The following ERBIN variants were observed in gnomAD, a reference collection of about 807,000 sequenced individuals.
ERBIN encodes the protein erbb2 interacting protein, also known as densin-180-like protein.
Under a neutral mutation model 158.4 loss-of-function variants are expected in ERBIN, and 60 were observed. The ratio of observed to expected loss-of-function variants is 0.38; its 90% CI spans 0.31 to 0.47. The LOEUF is 0.47. Among genes scored for constraint, ERBIN ranks in the 20% least tolerant of loss-of-function variants. The pLI, the probability that ERBIN is intolerant of heterozygous loss-of-function variation, is 0.99. For synonymous variants in ERBIN, 594 were observed against 557.2 expected, an observed-to-expected ratio of 1.07 and a Z score of -0.93; for missense variants, 1,610 against 1,648.0, an observed-to-expected ratio of 0.98 and a Z score of 0.40.
At chr5:65,982,935 C>A (rs1377301590) in intron 1 of ERBIN, among the ~76,000 whole-genome samples, 1 of 152,074 alleles carries the variant, frequency 6.6e-6, no homozygotes, top group Non-Finnish European at 1.5e-5. Flanking sequence ...AAGTGTGAAC[C>A]TTGTAGGGTG....
intron 17 of ERBIN, among the ~76,000 whole-genome samples, chr5:66,045,808 AT>A (rs1471776205): frequency 4.6e-5 from 7 of 152,136 alleles, no homozygotes; most frequent in African/African-American, 1.7e-4. Context: ...TATTATGGAA[AT>A]TTTTCCCCCT....
At chr5:65,943,773 G>A (rs1403747561) in intron 1 of ERBIN, among the ~76,000 whole-genome samples, 1 of 151,946 alleles carries the variant, frequency 6.6e-6, no homozygotes, top group Non-Finnish European at 1.5e-5. Context: ...TCATATTATT[G>A]TATACCCTTC....
At chr5:65,970,298 T>C (rs1252783542) in intron 1 of ERBIN, among the ~76,000 whole-genome samples, 1 of 152,236 alleles carries the variant, frequency 6.6e-6, no homozygotes, top group East Asian at 1.9e-4. Context: ...AATTAGACTA[T>C]GTCCCTCCTT....
At chr5:65,976,567 G>A (rs557767304) in intron 1 of ERBIN, among the ~76,000 whole-genome samples, 23 of 150,732 alleles carry the variant, frequency 1.5e-4, no homozygotes, top group African/African-American at 5.1e-4. Context: ...CTCGCAGAGG[G>A]GGATTTGGCA....
At chr5:66,014,305 C>T (rs1300376535) in intron 6 of ERBIN, among the ~76,000 whole-genome samples, 1 of 152,128 alleles carries the variant, frequency 6.6e-6, no homozygotes, top group Non-Finnish European at 1.5e-5. Flanking sequence ...TCTTTTGTTT[C>T]ATTATTTCTT....
chr5:65,962,262 A>G (rs945178210), intron 1 of ERBIN, among the ~76,000 whole-genome samples: 2 of 152,174 alleles, frequency 1.3e-5, no homozygotes, highest in Admixed American at 6.5e-5. Context: ...TGATTACAAC[A>G]TTTCTTCTTT....
At chr5:65,998,235 T>A (rs1037464272) in intron 4 of ERBIN, among the ~76,000 whole-genome samples, 8 of 149,244 alleles carry the variant, frequency 5.4e-5, no homozygotes, top group East Asian at 2.0e-4. Flanking sequence ...AAAAAAAATA[T>A]ATATATATAG....
At chr5:65,964,448 C>T (rs1433756520) in intron 1 of ERBIN, among the ~76,000 whole-genome samples, 8 of 152,180 alleles carry the variant, frequency 5.3e-5, no homozygotes, top group Admixed American at 5.2e-4. Flanking sequence ...CAGAATCCTG[C>T]TGGTTGGAGA....
intron 1 of ERBIN, among the ~76,000 whole-genome samples, chr5:65,963,285 A>G: frequency 6.6e-6 from 1 of 152,218 alleles, no homozygotes; most frequent in Non-Finnish European, 1.5e-5. Context: ...TTAACTGAGT[A>G]ATATTAAATT....
At chr5:66,013,696 C>A in intron 6 of ERBIN, 58 bp downstream of exon 6, 1 of 1,122,290 alleles carries the variant, frequency 8.9e-7, no homozygotes, top group South Asian at 1.3e-5. Context: ...GTTTACAAAA[C>A]TATAAGCTGC....
At chr5:65,997,412 A>G (rs1298722281) in intron 4 of ERBIN, among the ~76,000 whole-genome samples, 1 of 152,104 alleles carries the variant, frequency 6.6e-6, no homozygotes, top group Admixed American at 6.6e-5. Flanking sequence ...TATATGTTGA[A>G]ATTATTAAGG....
chr5:65,991,106 CT>C (rs1419742170), intron 2 of ERBIN, among the ~76,000 whole-genome samples: 1 of 152,122 alleles, frequency 6.6e-6, no homozygotes, highest in African/African-American at 2.4e-5. Flanking sequence ...ATATCTTATT[CT>C]TTGTCACTTT....
At chr5:65,932,630 A>G (rs1743580611) in intron 1 of ERBIN, among the ~76,000 whole-genome samples, 1 of 152,124 alleles carries the variant, frequency 6.6e-6, no homozygotes, top group Non-Finnish European at 1.5e-5. Flanking sequence ...GATTTATGGA[A>G]CTTTCATTAA....
At chr5:65,974,878 G>A (rs919877824) in intron 1 of ERBIN, among the ~76,000 whole-genome samples, 20 of 152,210 alleles carry the variant, frequency 1.3e-4, no homozygotes, top group Admixed American at 4.6e-4. Context: ...TTGACCAGTG[G>A]TATAGGAAGA....
At chr5:65,946,422 T>C (rs57076032) in intron 1 of ERBIN, among the ~76,000 whole-genome samples, 6,094 of 152,266 alleles carry the variant, frequency 0.04, 414 homozygotes, top group African/African-American at 0.14. Flanking sequence ...ACTTTTGGGA[T>C]TGGCTTTTTA....
At chr5:65,935,345 C>G (rs1182893076) in intron 1 of ERBIN, among the ~76,000 whole-genome samples, 1 of 151,888 alleles carries the variant, frequency 6.6e-6, no homozygotes, top group Non-Finnish European at 1.5e-5. Flanking sequence ...CAGGTTCACT[C>G]TAAGTTGTTT....
intron 1 of ERBIN, among the ~76,000 whole-genome samples, chr5:65,959,946 C>A (rs1230022901): frequency 2.0e-5 from 3 of 152,186 alleles, no homozygotes; most frequent in African/African-American, 7.2e-5. Context: ...AGTGTTGATA[C>A]CTGTTTCTTT....
intron 4 of ERBIN, among the ~76,000 whole-genome samples, chr5:66,007,144 G>C (rs1435579687): frequency 6.6e-6 from 1 of 152,228 alleles, no homozygotes; most frequent in East Asian, 1.9e-4. Context: ...CAACGCAAAT[G>C]TCCAACAATG....
intron 22 of ERBIN, among the ~76,000 whole-genome samples, chr5:66,074,229 G>T (rs996275922): frequency 3.3e-5 from 5 of 151,848 alleles, no homozygotes; most frequent in African/African-American, 1.2e-4. Context: ...AACAGAATAA[G>T]CTATTAGCCA....
Sources: gnomAD v4.1 joint callset for allele counts (sites outside exome capture counted in the v4.1 genomes callset) on GRCh38, gnomAD v4.1.1 for gene constraint, MANE v1.5 for transcripts, NCBI Gene and HGNC (gene_info 2026-07-23, HGNC 2026-07-21) for gene names.